ACSM1: variants seen among roughly 807,000 people sequenced by gnomAD.
ACSM1 encodes the protein acyl-CoA synthetase medium chain family member 1, also known as acyl-coenzyme A synthetase ACSM1, mitochondrial.
A neutral mutation model predicts 75.8 loss-of-function variants in ACSM1; 79 were observed. The observed-to-expected ratio is 1.04, with a 90% CI of 0.87 to 1.26. The LOEUF (loss-of-function observed/expected upper bound fraction) is 1.26, where lower values mean the gene tolerates loss of function less well. Ranked by LOEUF, ACSM1 falls within the 50% of genes most tolerant of loss-of-function variation. ACSM1 has a pLI of 0.00. For missense variants in ACSM1, 676 were observed against 720.1 expected (o/e 0.94, Z 0.70); for synonymous variants, 279 against 265.8 (o/e 1.05, Z -0.48).
chr16:20,671,862 T>C (rs1381227424), intron 4 of ACSM1, among the ~76,000 whole-genome samples, 191 bp from the exon 5 acceptor site: 3 of 152,216 alleles, frequency 2.0e-5, no homozygotes, highest in African/African-American at 7.2e-5. Flanking sequence ...AGCATTTTTT[T>C]ATTTGAAAAA....
At chr16:20,633,337 T>C (rs992848421) in intron 10 of ACSM1, among the ~76,000 whole-genome samples, 40 of 152,232 alleles carry the variant, frequency 2.6e-4, no homozygotes, top group African/African-American at 9.1e-4. Context: ...ACAGAATCCA[T>C]ACACACACAA....
At chr16:20,635,721 C>T (rs954348876) in intron 10 of ACSM1, among the ~76,000 whole-genome samples, 1 of 151,628 alleles carries the variant, frequency 6.6e-6, no homozygotes, top group South Asian at 2.1e-4. Flanking sequence ...TTCACTGCAA[C>T]CTCCGCCTCC....
At chr16:20,655,149 C>CA (rs1233022240) in intron 7 of ACSM1, among the ~76,000 whole-genome samples, 5 of 149,698 alleles carry the variant, frequency 3.3e-5, no homozygotes, top group African/African-American at 7.4e-5. Flanking sequence ...ATCACAAGGA[C>CA]AAAAAACCAA....
chr16:20,671,462 CACA>C, intron 5 of ACSM1, 66 bp downstream of exon 5: 2 of 1,493,762 alleles, frequency 1.3e-6, no homozygotes, highest in Non-Finnish European at 1.8e-6. Context: ...CACACACACA[CACA>C]CACACACACA....
At position 20,627,824 on chromosome 16, in the gene ACSM1, A is replaced by ATC. The variant is rs68102086; in HGVS notation, c.1300-510_1300-509dup. Among the ~76,000 whole-genome samples, 551 of 99,156 alleles carry ATC rather than the reference A, an allele frequency of 5.6e-3. 10 individuals carry two copies. Among genetic ancestry groups the ATC allele is most frequent in the African/African-American group, 6.8e-3 (184 of 26,938 alleles). 65.1% of individuals were successfully genotyped at this position (99,156 alleles called of 152,430 possible). ...AGCTTGGGCAACAGAGTGAGACTTCATCTCTCTCTCTCTCTCTCTCTCTCT... is the reference window on the plus strand; with the variant it reads ...AGCTTGGGCAACAGAGTGAGACTTCATCTCTCTCTCTCTCTCTCTCTCTCTCT... On this transcript the variant is annotated intron_variant, in intron 10 of 13. Coordinates refer to ENST00000520010, the MANE Select transcript of ACSM1 (RefSeq NM_001318890.3).
chr16:20,625,797 A>G (rs1329950428), intron 11 of ACSM1, among the ~76,000 whole-genome samples: 1 of 152,238 alleles, frequency 6.6e-6, no homozygotes, highest in Non-Finnish European at 1.5e-5. Flanking sequence ...TGGCCCAAGC[A>G]GCTTCCCCCA....
At chr16:20,684,164 C>T (rs9930741) in intron 3 of ACSM1, among the ~76,000 whole-genome samples, 64,019 of 151,904 alleles carry the variant, frequency 0.42, 16,198 homozygotes, top group Non-Finnish European at 0.58. Flanking sequence ...GAAATCTCTA[C>T]ATAAGAATTC....
intron 4 of ACSM1, chr16:20,681,075 T>C (rs987028575): frequency 6.6e-5 from 10 of 152,136 alleles, no homozygotes; most frequent in African/African-American, 2.2e-4. Flanking sequence ...GAAAGAATAA[T>C]TAAATATTAT....
At chr16:20,661,987 T>C in intron 6 of ACSM1, 114 bp from the exon 7 acceptor site, 2 of 594,554 alleles carry the variant, frequency 3.4e-6, no homozygotes, top group Non-Finnish European at 3.0e-6. Context: ...TGTTAATTTC[T>C]TAATCCTTTA....
intron 6 of ACSM1, among the ~76,000 whole-genome samples, chr16:20,662,649 G>A (rs943305611): frequency 5.3e-5 from 8 of 152,114 alleles, no homozygotes; most frequent in Admixed American, 6.6e-5. Context: ...AAATGGGAAC[G>A]TCCATATATT....
chr16:20,637,241 G>A (rs1187435680), intron 9 of ACSM1, 130 bp downstream of exon 9: 4 of 781,430 alleles, frequency 5.1e-6, no homozygotes, highest in Non-Finnish European at 8.8e-6. Context: ...TGAAACTGAA[G>A]GGATAAATGA....
intron 11 of ACSM1, among the ~76,000 whole-genome samples, chr16:20,626,902 GACAGAGTCT>G (rs2016956174): frequency 6.6e-6 from 1 of 152,084 alleles, no homozygotes; most frequent in African/African-American, 2.4e-5. Context: ...TGGAGACCAA[GACAGAGTCT>G]CCCTTCTCAA....
chr16:20,636,296 T>C (rs2017702234), intron 10 of ACSM1, among the ~76,000 whole-genome samples: 1 of 152,228 alleles, frequency 6.6e-6, no homozygotes, highest in Admixed American at 6.5e-5. Context: ...TTTTACTTTT[T>C]TTTAATCCTA....
chr16:20,680,577 G>C (rs76299878), intron 4 of ACSM1: 1 of 152,198 alleles, frequency 6.6e-6, no homozygotes, highest in South Asian at 2.1e-4. Flanking sequence ...CCAGTGTTTG[G>C]TTGTTAAAAA....
intron 6 of ACSM1, among the ~76,000 whole-genome samples, chr16:20,665,589 C>T (rs891282523): frequency 1.7e-4 from 26 of 151,896 alleles, no homozygotes; most frequent in Admixed American, 1.7e-3. Flanking sequence ...CCCTCTGTAA[C>T]TAATCCAAAA....
intron 1 of ACSM1, among the ~76,000 whole-genome samples, chr16:20,696,608 G>C (rs900656549): frequency 4.6e-5 from 7 of 152,190 alleles, no homozygotes; most frequent in Non-Finnish European, 8.8e-5. Context: ...TACCCTGTTA[G>C]AGCATATCAT....
chr16:20,691,214 C>T lies in ACSM1; in HGVS notation c.-26G>A. The stretch of plus-strand genomic sequence containing the variant: ...GGTGAAACAGTCCTCAGAAACCAGG[C>T]ACAGAGTTCTCAAGTCACCACCTGC... On this transcript the variant is annotated 5_prime_UTR_variant, in exon 2 of 14. Coordinates refer to ENST00000520010, the MANE Select transcript of ACSM1 (RefSeq NM_001318890.3). The T allele has an allele frequency of 6.5e-7, 1 of 1,530,102 alleles. No individual in the cohort carries two copies. Among genetic ancestry groups the T allele is most frequent in the African/African-American group, 1.4e-5 (1 of 70,850 alleles). The allele number at this position is 1,530,102 out of a possible 1,614,324, so 94.8% of individuals were successfully genotyped here. A position where few individuals can be genotyped will look rare whatever the true frequency, so the allele number is the denominator to read the frequency against.
intron 10 of ACSM1, among the ~76,000 whole-genome samples, chr16:20,636,242 G>A (rs888722675): frequency 3.3e-5 from 5 of 152,174 alleles, no homozygotes; most frequent in Non-Finnish European, 7.3e-5. Flanking sequence ...AGGAGTTTCA[G>A]CAGGTTTCCT....
chr16:20,637,331 G>A (rs1375456369), intron 9 of ACSM1, 40 bp downstream of exon 9: 3 of 1,560,178 alleles, frequency 1.9e-6, no homozygotes, highest in East Asian at 2.2e-5. Flanking sequence ...AACCCCCGCT[G>A]AGCCCTAACT....
Sources: allele counts gnomAD v4.1 joint callset (sites outside exome capture counted in the v4.1 genomes callset), GRCh38; gene constraint gnomAD v4.1.1; transcripts MANE v1.5; gene names NCBI Gene and HGNC (gene_info 2026-07-23, HGNC 2026-07-21).